The following ZNF564 variants were observed in gnomAD, a reference collection of about 807,000 sequenced individuals.
ZNF564 encodes zinc finger protein 564.
In ZNF564, 5 loss-of-function variants were observed where a neutral mutation model predicts 10.5. The observed-to-expected ratio is 0.48, with a 90% CI of 0.25 to 1.00. The LOEUF is 1.00. Among genes scored for constraint, ZNF564 ranks in the 50% least tolerant of loss-of-function variants. The pLI is 0.16. For missense variants in ZNF564, 603 were observed against 669.7 expected (o/e 0.90, Z 1.10); for synonymous variants, 242 against 218.1 (o/e 1.11, Z -0.97).
intron 1 of ZNF564, among the ~76,000 whole-genome samples, chr19:12,551,128 G>C (rs2022250267): frequency 6.6e-6 from 1 of 152,264 alleles, no homozygotes; most frequent in Admixed American, 6.5e-5. Flanking sequence ...CGCCGCGCAG[G>C]GACGGGACAG....
chr19:12,547,448 T>C (rs1470297627), intron 1 of ZNF564, among the ~76,000 whole-genome samples: 1 of 152,196 alleles, frequency 6.6e-6, no homozygotes, highest in East Asian at 1.9e-4. Context: ...ATAAAGTCAC[T>C]TCTTACCTAA....
rs760120679 is a variant in ZNF564 at position 12,526,463 on chromosome 19, T to C, written c.1645A>G (p.Thr549Ala). ...KLSFITQPSN[T>A]CENE ...GTCCTCCACTATTCATTTTCACAGG[T>C]ATTCGAAGGTTGTGTGATAAATGAA... Residue 549 changes from threonine to alanine, a missense_variant, in exon 4 of 4, where the codon ACC (threonine) becomes GCC (alanine). Coordinates refer to ENST00000339282, the MANE Select transcript of ZNF564 (RefSeq NM_144976.4). The C allele has an allele frequency of 1.7e-5, 27 of 1,595,476 alleles. No homozygotes were observed. The South Asian group carries it at 2.8e-4, about 17-fold the overall frequency.
intron 1 of ZNF564, among the ~76,000 whole-genome samples, chr19:12,535,450 A>G (rs2021889239): frequency 6.6e-6 from 1 of 152,196 alleles, no homozygotes; most frequent in Non-Finnish European, 1.5e-5. Flanking sequence ...ATTACCAACT[A>G]TAAGATATTC....
chr19:12,551,279 T>C, intron 1 of ZNF564, 51 bp downstream of exon 1: 11 of 1,586,400 alleles, frequency 6.9e-6, no homozygotes, highest in Non-Finnish European at 9.4e-6. Flanking sequence ...TTCCGGCCGG[T>C]TCCCACAAGC....
At position 12,528,000 on chromosome 19, in the gene ZNF564, G is replaced by A. The variant is rs759458982; in HGVS notation, c.192-84C>T. The A allele has an allele frequency of 1.0e-4, 149 of 1,430,082 alleles. No homozygotes were observed. In the East Asian group the frequency reaches 1.1e-3, roughly 10 times the overall value. 88.6% of individuals were successfully genotyped at this position (1,430,082 alleles called of 1,614,324 possible). On this transcript the variant is annotated intron_variant, in intron 3 of 3. Coordinates refer to ENST00000339282, the MANE Select transcript of ZNF564 (RefSeq NM_144976.4). The stretch of plus-strand genomic sequence containing the variant: ...TTCGACTTACATTTTTACCATAATC[G>A]CGGAAAGGGTAAGTTTTCAGGCCTG...
rs144980833 is a variant in ZNF564, at chr19:12,546,269, T to C, written c.3+5061A>G. On this transcript the variant is annotated intron_variant, in intron 1 of 3. Transcript: ENST00000339282. Reference sequence around the variant, plus strand: ...CCAACTCTGTGGATACAAAACCAAATTGCTGACAATGTTGAATTTTACCCA... The same window carrying C: ...CCAACTCTGTGGATACAAAACCAAACTGCTGACAATGTTGAATTTTACCCA... Among the ~76,000 whole-genome samples, 10 of 152,258 alleles carry C rather than the reference T, an allele frequency of 6.6e-5. No individual in the cohort carries two copies. The East Asian group carries it at 1.5e-3, about 24-fold the overall frequency.
At chr19:12,541,130 G>T (rs1388938992) in intron 1 of ZNF564, among the ~76,000 whole-genome samples, 1 of 149,178 alleles carries the variant, frequency 6.7e-6, no homozygotes, top group Non-Finnish European at 1.5e-5. Flanking sequence ...CGCACCTGCA[G>T]TTCCAGCTAC....
At position 12,551,024 on chromosome 19, in the gene ZNF564, T is replaced by C. The variant is rs529640781; in HGVS notation, c.3+306A>G. Among the ~76,000 whole-genome samples, 3 of 152,380 alleles carry C rather than the reference T, an allele frequency of 2.0e-5. No homozygotes were observed. The East Asian group carries it at 5.8e-4, about 29-fold the overall frequency. On this transcript the variant is annotated intron_variant, in intron 1 of 3. Transcript: ENST00000339282. ...ACACCCGAGACGGGATTCCGCCTTA[T>C]GACCCTCCCGTGTCCCAGTACAAAC...
chr19:12,551,458 C>A lies in ZNF564; in HGVS notation c.-126G>T. ...GGAGAAGCGGAGACCGGAACCCAAACGCAGCGGACACGAAACAGGAAGACC... is the reference window on the plus strand; with the variant it reads ...GGAGAAGCGGAGACCGGAACCCAAAAGCAGCGGACACGAAACAGGAAGACC... On this transcript the variant is annotated 5_prime_UTR_variant, in exon 1 of 4. Coordinates refer to ENST00000339282, the MANE Select transcript of ZNF564 (RefSeq NM_144976.4). 1 of 1,432,130 alleles carries A rather than the reference C, an allele frequency of 7.0e-7. No homozygotes were observed. The allele number at this position is 1,432,130 out of a possible 1,614,324, so 88.7% of individuals were successfully genotyped here.
Position 12,530,818 on chromosome 19 carries a change from G to A in ZNF564, c.4-2122C>T, listed in dbSNP as rs10418389. The stretch of plus-strand genomic sequence containing the variant: ...AACTTGCTCCGTCATCCACACTGGA[G>A]TGCAGTGGCATGATCACAGCTCACT... On this transcript the variant is annotated intron_variant, in intron 1 of 3. Coordinates refer to ENST00000339282, the MANE Select transcript of ZNF564 (RefSeq NM_144976.4). Among the ~76,000 whole-genome samples the A allele has an allele frequency of 7.0e-3, 1,060 of 152,264 alleles. 17 individuals carry two copies. Among genetic ancestry groups the A allele is most frequent in the African/African-American group, 0.024 (1,006 of 41,540 alleles).
intron 1 of ZNF564, among the ~76,000 whole-genome samples, chr19:12,540,322 C>A (rs2022017595): frequency 6.6e-6 from 1 of 152,202 alleles, no homozygotes; most frequent in African/African-American, 2.4e-5. Flanking sequence ...GTAGTTTCCT[C>A]ATATGCAATA....
intron 1 of ZNF564, among the ~76,000 whole-genome samples, chr19:12,546,777 T>G (rs2022163062): frequency 6.6e-6 from 1 of 152,132 alleles, no homozygotes; most frequent in Non-Finnish European, 1.5e-5. Flanking sequence ...ATTGTTTACT[T>G]CATAAACAAT....
Position 12,551,317 on chromosome 19 carries a change from C to G in ZNF564, c.3+13G>C. On this transcript the variant is annotated intron_variant, in intron 1 of 3. Coordinates refer to ENST00000339282, the MANE Select transcript of ZNF564 (RefSeq NM_144976.4). ...CTCCCCCAGTCTCCAGGCGCCCGGCCCCGCACACGCACCATTTCCTGGCTT... is the reference window on the plus strand; with the variant it reads ...CTCCCCCAGTCTCCAGGCGCCCGGCGCCGCACACGCACCATTTCCTGGCTT... The G allele has an allele frequency of 3.7e-6, 6 of 1,607,388 alleles. No homozygotes were observed. Among genetic ancestry groups the G allele is most frequent in the East Asian group, 2.2e-5 (1 of 44,506 alleles).
chr19:12,532,895 A>G (rs1391491382), intron 1 of ZNF564: 1 of 152,196 alleles, frequency 6.6e-6, no homozygotes, highest in Non-Finnish European at 1.5e-5. Flanking sequence ...GCAAAGAAAA[A>G]ATACACTAAT....
intron 1 of ZNF564, among the ~76,000 whole-genome samples, chr19:12,531,477 G>C (rs1207215446): frequency 1.3e-5 from 2 of 151,994 alleles, no homozygotes; most frequent in Non-Finnish European, 2.9e-5. Context: ...CGAGGCAGGA[G>C]AATCACTTGA....
intron 1 of ZNF564, among the ~76,000 whole-genome samples, chr19:12,543,739 C>T (rs192738961): frequency 1.3e-5 from 2 of 150,142 alleles, no homozygotes; most frequent in East Asian, 3.9e-4. Flanking sequence ...GCAAAGACTT[C>T]GTACAGTACA....
At position 12,527,683 on chromosome 19, in the gene ZNF564, T is replaced by C. The variant is rs1475827816; in HGVS notation, c.425A>G (p.Lys142Arg). ...GAAGGCTTTCCCACACTGCTTACAT[T>C]TATATGGTTTCTCTCCATATTCCTG... ...DYQEYGEKPY[K>R]CKQCGKAFSS... is the part of the protein sequence containing the mutation. Residue 142 changes from lysine (K) to arginine (R), a missense_variant, in exon 4 of 4, where the codon AAA becomes AGA. Coordinates refer to ENST00000339282, the MANE Select transcript of ZNF564 (RefSeq NM_144976.4). The C allele has an allele frequency of 4.3e-6, 7 of 1,614,046 alleles. No homozygotes were observed. Among genetic ancestry groups the C allele is most frequent in the African/African-American group, 1.3e-5 (1 of 74,922 alleles).
intron 1 of ZNF564, chr19:12,532,802 C>T (rs2021835163): frequency 6.6e-6 from 1 of 151,928 alleles, no homozygotes. Context: ...ACTCAACATG[C>T]CAAGAAAACC....
chr19:12,537,354 A>G (rs2021935991), intron 1 of ZNF564, among the ~76,000 whole-genome samples: 3 of 152,152 alleles, frequency 2.0e-5, no homozygotes, highest in African/African-American at 7.2e-5. Context: ...ATTATTCCCT[A>G]AACAACACAA....
Sources: gnomAD v4.1 joint callset for allele counts (sites outside exome capture counted in the v4.1 genomes callset) on GRCh38, gnomAD v4.1.1 for gene constraint, MANE v1.5 for transcripts, NCBI Gene and HGNC (gene_info 2026-07-23, HGNC 2026-07-21) for gene names.